TAFA1: variants seen among roughly 807,000 people sequenced by gnomAD.
TAFA1 encodes the protein TAFA chemokine like family member 1, also known as chemokine-like protein TAFA-1.
A neutral mutation model predicts 18.5 loss-of-function variants in TAFA1; 4 were observed. The ratio of observed to expected loss-of-function variants is 0.22; its 90% CI spans 0.11 to 0.49. The LOEUF (loss-of-function observed/expected upper bound fraction) is 0.49, where lower values mean the gene tolerates loss of function less well. Among genes scored for constraint, TAFA1 ranks in the 20% least tolerant of loss-of-function variants. TAFA1 has a pLI of 0.98. For synonymous variants in TAFA1, 56 were observed against 55.2 expected (o/e 1.01, Z -0.06); for missense variants, 147 against 169.0 (o/e 0.87, Z 0.72).
chr3:68,178,762 CA>C (rs1198002752), intron 2 of TAFA1, among the ~76,000 whole-genome samples: 2 of 152,182 alleles, frequency 1.3e-5, no homozygotes, highest in Admixed American at 6.5e-5. Flanking sequence ...CAAAGTAGCA[CA>C]AAGCTTTGTT....
At chr3:68,171,291 C>A (rs1399914136) in intron 2 of TAFA1, among the ~76,000 whole-genome samples, 1 of 151,968 alleles carries the variant, frequency 6.6e-6, no homozygotes. Context: ...AGGTAGACAG[C>A]CTCTAGAAGC....
At chr3:68,507,039 G>A (rs557116928) in intron 3 of TAFA1, among the ~76,000 whole-genome samples, 98 of 152,172 alleles carry the variant, frequency 6.4e-4, no homozygotes, top group Admixed American at 2.0e-3. Context: ...TCCTGCTGCC[G>A]TTCTGTCCTT....
At chr3:68,364,121 G>C (rs1217555583) in intron 2 of TAFA1, among the ~76,000 whole-genome samples, 1 of 152,208 alleles carries the variant, frequency 6.6e-6, no homozygotes, top group Non-Finnish European at 1.5e-5. Context: ...ACAACAGAAA[G>C]TGAAATCAGA....
intron 2 of TAFA1, among the ~76,000 whole-genome samples, chr3:68,314,872 A>AT (rs2106689591): frequency 6.6e-6 from 1 of 150,942 alleles, no homozygotes; most frequent in South Asian, 2.1e-4. Flanking sequence ...TACCATAGTT[A>AT]TTCTTCGGTC....
intron 2 of TAFA1, among the ~76,000 whole-genome samples, chr3:68,399,849 G>A (rs927935841): frequency 6.6e-5 from 10 of 152,072 alleles, no homozygotes; most frequent in Admixed American, 1.3e-4. Flanking sequence ...AATTACAGAG[G>A]TAGAGCTGTC....
chr3:68,391,146 C>T (rs932733336), intron 2 of TAFA1, among the ~76,000 whole-genome samples: 1 of 152,060 alleles, frequency 6.6e-6, no homozygotes, highest in Non-Finnish European at 1.5e-5. Flanking sequence ...ACTAGAATAA[C>T]CAGTTTAGAG....
intron 2 of TAFA1, among the ~76,000 whole-genome samples, chr3:68,347,480 T>C (rs1449555135): frequency 6.6e-6 from 1 of 152,218 alleles, no homozygotes; most frequent in Non-Finnish European, 1.5e-5. Flanking sequence ...TATTTCCTAA[T>C]GGATTTATTT....
intron 2 of TAFA1, among the ~76,000 whole-genome samples, chr3:68,069,610 G>A (rs1448895324): frequency 6.6e-6 from 1 of 151,978 alleles, no homozygotes; most frequent in Non-Finnish European, 1.5e-5. Context: ...ACTTATTTCG[G>A]CATTAACTCA....
chr3:68,295,562 A>G (rs2068192694), intron 2 of TAFA1, among the ~76,000 whole-genome samples: 1 of 152,280 alleles, frequency 6.6e-6, no homozygotes, highest in Admixed American at 6.5e-5. Context: ...GAAGGAAAGG[A>G]GAGAGACTTG....
chr3:68,091,871 A>G (rs1359376144), intron 2 of TAFA1, among the ~76,000 whole-genome samples: 1 of 152,172 alleles, frequency 6.6e-6, no homozygotes, highest in Non-Finnish European at 1.5e-5. Flanking sequence ...CCAGGCCACA[A>G]AAAATGACCA....
chr3:68,019,872 T>C (rs1704650416), intron 2 of TAFA1, among the ~76,000 whole-genome samples: 1 of 152,242 alleles, frequency 6.6e-6, no homozygotes, highest in Non-Finnish European at 1.5e-5. Context: ...CCTATGATTT[T>C]GCTCTAGCAG....
chr3:68,296,627 A>AG (rs1675554585), intron 2 of TAFA1, among the ~76,000 whole-genome samples: 1 of 152,096 alleles, frequency 6.6e-6, no homozygotes, highest in East Asian at 1.9e-4. Flanking sequence ...ACTGGCTTTT[A>AG]GGTCTCTCTT....
chr3:68,180,283 A>G (rs2066181245), intron 2 of TAFA1, among the ~76,000 whole-genome samples: 1 of 151,274 alleles, frequency 6.6e-6, no homozygotes, highest in South Asian at 2.1e-4. Flanking sequence ...CAGGTTATCC[A>G]CCTGCTTTGG....
intron 2 of TAFA1, among the ~76,000 whole-genome samples, chr3:68,367,676 GT>G (rs1368974865): frequency 6.6e-6 from 1 of 152,114 alleles, no homozygotes; most frequent in African/African-American, 2.4e-5. Flanking sequence ...TAAAAATCTA[GT>G]CCAACCATAC....
intron 2 of TAFA1, among the ~76,000 whole-genome samples, chr3:68,314,769 A>C (rs1333762730): frequency 6.6e-6 from 1 of 152,074 alleles, no homozygotes; most frequent in African/African-American, 2.4e-5. Context: ...CATCTTAATG[A>C]AACAGGAGGA....
intron 2 of TAFA1, among the ~76,000 whole-genome samples, chr3:68,376,669 A>C (rs557287590): frequency 1.3e-5 from 2 of 152,230 alleles, no homozygotes; most frequent in East Asian, 3.9e-4. Flanking sequence ...GGGGCATTTA[A>C]GTTGATTCCA....
At chr3:68,256,392 C>G (rs1323848369) in intron 2 of TAFA1, among the ~76,000 whole-genome samples, 2 of 152,100 alleles carry the variant, frequency 1.3e-5, no homozygotes, top group Non-Finnish European at 2.9e-5. Flanking sequence ...GCTGGGAGAC[C>G]AAGACCTTGA....
intron 2 of TAFA1, among the ~76,000 whole-genome samples, chr3:68,212,950 C>A (rs2107071706): frequency 6.6e-6 from 1 of 152,020 alleles, no homozygotes; most frequent in South Asian, 2.1e-4. Context: ...TTTAGAAACT[C>A]TCAGGATATG....
At chr3:68,438,421 C>G (rs1030979841) in intron 3 of TAFA1, among the ~76,000 whole-genome samples, 1 of 152,158 alleles carries the variant, frequency 6.6e-6, no homozygotes, top group Non-Finnish European at 1.5e-5. Context: ...TTTCTGCACA[C>G]CAGTTGTGGT....
Sources: allele counts gnomAD v4.1 joint callset (sites outside exome capture counted in the v4.1 genomes callset), GRCh38; gene constraint gnomAD v4.1.1; transcripts MANE v1.5; gene names NCBI Gene and HGNC (gene_info 2026-07-23, HGNC 2026-07-21).